The following LRRIQ1 variants were observed in gnomAD, a reference collection of about 807,000 sequenced individuals.
The protein encoded by LRRIQ1 is leucine-rich repeat- and IQ domain-containing protein 1.
LRRIQ1 carries 210 observed loss-of-function variants against 211.9 expected under a neutral mutation model. That is an observed-to-expected ratio of 0.99 (90% CI 0.89 to 1.11). The LOEUF is 1.11. Ranked by LOEUF, LRRIQ1 falls within the 50% of genes most tolerant of loss-of-function variation. The pLI, the probability that LRRIQ1 is intolerant of heterozygous loss-of-function variation, is 0.00. For missense variants in LRRIQ1, 2,136 were observed against 1,939.5 expected (o/e 1.10, Z -1.90); for synonymous variants, 699 against 650.1 (o/e 1.08, Z -1.14).
chr12:85,234,050 G>A (rs1242652036), intron 26 of LRRIQ1, among the ~76,000 whole-genome samples: 1 of 151,286 alleles, frequency 6.6e-6, no homozygotes, highest in Non-Finnish European at 1.5e-5. Context: ...GGGTAACATG[G>A]CAAAACCCCA....
chr12:85,243,127 T>C (rs1470246434), intron 26 of LRRIQ1, among the ~76,000 whole-genome samples: 1 of 150,794 alleles, frequency 6.6e-6, no homozygotes, highest in African/African-American at 2.4e-5. Flanking sequence ...GTGGTTCACA[T>C]GTTTTTTCTT....
At chr12:85,246,608 A>G (rs1895726269), downstream of LRRIQ1, among the ~76,000 whole-genome samples, 1 of 151,418 alleles carries the variant, frequency 6.6e-6, no homozygotes, top group Non-Finnish European at 1.5e-5. Context: ...TTAATTATGG[A>G]TTTTAGAGAT....
rs1360577043 is a variant in LRRIQ1 at position 85,124,416 on chromosome 12, A to G, written c.3904A>G (p.Ser1302Gly). The change falls in exon 17 of 27, where the codon AGC becomes GGC. Residue 1302 changes from serine to glycine, a missense_variant. Transcript: ENST00000393217. ...ATTAGTATGTCAGAAGAGAGAAGAC[A>G]GCAAGGCAAGCAGTATTCCCACCAT... ...EILVCQKREDSKASSIPTIRI... is the reference protein window; with the variant it reads ...EILVCQKREDGKASSIPTIRI... 4.3e-6 allele frequency: 7 copies of G among 1,614,076 alleles called. No homozygotes were observed. The highest frequency in any genetic ancestry group is 5.9e-6 in the Non-Finnish European group (7 of 1,180,026).
intron 24 of LRRIQ1, among the ~76,000 whole-genome samples, chr12:85,175,722 A>G (rs1891666502): frequency 1.3e-5 from 2 of 152,098 alleles, no homozygotes; most frequent in Admixed American, 1.3e-4. Context: ...CTTTCTACAT[A>G]TGGCTAGCCA....
At chr12:85,187,462 C>T (rs1892275934) in intron 24 of LRRIQ1, among the ~76,000 whole-genome samples, 1 of 152,004 alleles carries the variant, frequency 6.6e-6, no homozygotes, top group Admixed American at 6.6e-5. Context: ...AAATATTGCT[C>T]ACAGTTCAAT....
chr12:85,247,657 A>G (rs1213463965), downstream of LRRIQ1, among the ~76,000 whole-genome samples: 1 of 151,582 alleles, frequency 6.6e-6, no homozygotes, highest in Non-Finnish European at 1.5e-5. Flanking sequence ...AGCATATGAT[A>G]TATTGCCTTG....
At chr12:85,196,076 A>G (rs1188565132) in intron 24 of LRRIQ1, among the ~76,000 whole-genome samples, 4 of 152,146 alleles carry the variant, frequency 2.6e-5, no homozygotes, top group African/African-American at 9.7e-5. Flanking sequence ...CCCATTCACA[A>G]TTGCTTCAAG....
At chr12:85,219,264 A>G (rs556787696) in intron 24 of LRRIQ1, among the ~76,000 whole-genome samples, 81 of 152,254 alleles carry the variant, frequency 5.3e-4, no homozygotes, top group South Asian at 1.7e-3. Context: ...ATGGCAAAAC[A>G]TATTTACTTT....
intron 24 of LRRIQ1, among the ~76,000 whole-genome samples, chr12:85,203,974 C>T (rs763047426): frequency 3.3e-5 from 5 of 152,102 alleles, no homozygotes; most frequent in Non-Finnish European, 7.4e-5. Context: ...GAGATCTTCA[C>T]GACAGCCCCT....
At chr12:85,193,094 ATATT>A (rs1164526173) in intron 24 of LRRIQ1, among the ~76,000 whole-genome samples, 237 of 120,332 alleles carry the variant, frequency 2.0e-3, no homozygotes, top group African/African-American at 7.0e-3. Context: ...ATAATTATAT[ATATT>A]TATATATAAT....
At chr12:85,136,153 C>G (rs1026403758) in intron 18 of LRRIQ1, among the ~76,000 whole-genome samples, 2 of 150,980 alleles carry the variant, frequency 1.3e-5, no homozygotes, top group Non-Finnish European at 3.0e-5. Context: ...CCTCACTCCT[C>G]CAACCTGCGT....
chr12:85,109,904 C>T (rs1887050661), intron 15 of LRRIQ1, among the ~76,000 whole-genome samples: 1 of 152,044 alleles, frequency 6.6e-6, no homozygotes, highest in Non-Finnish European at 1.5e-5. Context: ...TTAAGCATTT[C>T]CTTTACCAAA....
intron 14 of LRRIQ1, among the ~76,000 whole-genome samples, chr12:85,106,005 AG>A (rs1886756747): frequency 6.6e-6 from 1 of 152,002 alleles, no homozygotes; most frequent in South Asian, 2.1e-4. Context: ...CATGTTGGTC[AG>A]GCTGGTCTCA....
Position 85,098,885 on chromosome 12 carries a change from C to A in LRRIQ1, c.3100C>A (p.Leu1034Ile), listed in dbSNP as rs1316033603. 2 of 1,556,440 alleles carry A rather than the reference C, an allele frequency of 1.3e-6. No homozygotes were observed. The highest frequency in any genetic ancestry group is 2.5e-5 in the South Asian group (2 of 80,808). Residue 1034 changes from leucine (L) to isoleucine (I), a missense_variant, in exon 13 of 27, where the codon CTT becomes ATT. Coordinates refer to ENST00000393217, the MANE Select transcript of LRRIQ1 (RefSeq NM_001079910.2). ...AATATAGCTTCCATCCTTGGAGAAT[C>A]TTGTTTTACTAAGAGAATTGCACTT... ...YLSELPSLEN[L>I]VLLRELHLDD...
chr12:85,148,553 A>T (rs190028792), intron 19 of LRRIQ1, among the ~76,000 whole-genome samples: 63 of 152,040 alleles, frequency 4.1e-4, no homozygotes, highest in African/African-American at 1.3e-3. Flanking sequence ...TCTATCATTA[A>T]TGGGCATTTG....
At chr12:85,222,030 G>T (rs1470477286) in intron 24 of LRRIQ1, among the ~76,000 whole-genome samples, 1 of 152,092 alleles carries the variant, frequency 6.6e-6, no homozygotes, top group African/African-American at 2.4e-5. Flanking sequence ...AACATAGATG[G>T]TAAAATATGC....
At chr12:85,105,729 AT>A (rs140234087) in intron 14 of LRRIQ1, among the ~76,000 whole-genome samples, 1 of 148,756 alleles carries the variant, frequency 6.7e-6, no homozygotes, top group Admixed American at 6.7e-5. Flanking sequence ...TTTTTAAATA[AT>A]TTTTTTCCTG....
At chr12:85,125,459 T>C (rs1888310515) in intron 17 of LRRIQ1, among the ~76,000 whole-genome samples, 1 of 152,170 alleles carries the variant, frequency 6.6e-6, no homozygotes, top group Non-Finnish European at 1.5e-5. Flanking sequence ...CTTGTTCTTT[T>C]TACTTTTGGC....
rs572818344 is a variant in LRRIQ1, at chr12:85,092,553, A to G, written c.2888-5802A>G. ...AGACTGCCAACAAAAGGAAAGTTGCATCTAAAAGAAAATATCAAGATTTCC... is the reference window on the plus strand; with the variant it reads ...AGACTGCCAACAAAAGGAAAGTTGCGTCTAAAAGAAAATATCAAGATTTCC... On this transcript the variant is annotated intron_variant, in intron 11 of 26. Coordinates refer to ENST00000393217, the MANE Select transcript of LRRIQ1 (RefSeq NM_001079910.2). Among the ~76,000 whole-genome samples, 3 of 152,314 alleles carry G rather than the reference A, an allele frequency of 2.0e-5. No homozygotes were observed. The East Asian group carries it at 5.8e-4, about 29-fold the overall frequency.
Sources: gnomAD v4.1 joint callset for allele counts (sites outside exome capture counted in the v4.1 genomes callset) on GRCh38, gnomAD v4.1.1 for gene constraint, MANE v1.5 for transcripts, NCBI Gene and HGNC (gene_info 2026-07-23, HGNC 2026-07-21) for gene names.